The following NAALADL2 variants were observed in gnomAD, a reference collection of about 807,000 sequenced individuals.
NAALADL2 encodes the protein inactive N-acetylated-alpha-linked acidic dipeptidase-like protein 2.
NAALADL2 carries 76 observed loss-of-function variants against 87.2 expected under a neutral mutation model. That is an observed-to-expected ratio of 0.87 (90% CI 0.72 to 1.05). The LOEUF (loss-of-function observed/expected upper bound fraction) is 1.05. Among genes scored for constraint, NAALADL2 ranks in the 50% least tolerant of loss-of-function variants. NAALADL2 has a pLI of 0.00. For synonymous variants in NAALADL2, 354 were observed against 331.0 expected, an observed-to-expected ratio of 1.07 and a Z score of -0.75; for missense variants, 1,089 against 945.8, an observed-to-expected ratio of 1.15 and a Z score of -1.99.
chr3:174,878,365 G>A (rs1728774609), intron 1 of NAALADL2, among the ~76,000 whole-genome samples: 2 of 151,872 alleles, frequency 1.3e-5, no homozygotes, highest in African/African-American at 4.8e-5. Context: ...GTGGGATTTG[G>A]CCAACCTGTT....
chr3:174,829,079 G>T (rs1579100114), intron 3 of NAALADL2, among the ~76,000 whole-genome samples: 1 of 151,700 alleles, frequency 6.6e-6, no homozygotes, highest in East Asian at 2.0e-4. Context: ...AGAGGTTCAG[G>T]TATTACATCT....
At chr3:175,746,888 C>A (rs752731503) in intron 12 of NAALADL2, among the ~76,000 whole-genome samples, 2 of 152,124 alleles carry the variant, frequency 1.3e-5, no homozygotes, top group Non-Finnish European at 2.9e-5. Flanking sequence ...CTCTCAAATG[C>A]CAAAATCCAT....
At chr3:175,658,289 C>T (rs1297871610) in intron 11 of NAALADL2, among the ~76,000 whole-genome samples, 1 of 151,938 alleles carries the variant, frequency 6.6e-6, no homozygotes. Flanking sequence ...ATGACAGGGC[C>T]GACAATATAG....
intron 4 of NAALADL2, among the ~76,000 whole-genome samples, chr3:175,271,504 G>A (rs1752829722): frequency 6.6e-6 from 1 of 152,114 alleles, no homozygotes; most frequent in Admixed American, 6.5e-5. Context: ...TATAAAATAG[G>A]CACTTAGGCC....
At chr3:175,461,265 C>T (rs916191665) in intron 6 of NAALADL2, among the ~76,000 whole-genome samples, 1 of 151,436 alleles carries the variant, frequency 6.6e-6, no homozygotes, top group Non-Finnish European at 1.5e-5. Context: ...GGTGCATTTA[C>T]AATTCTTTAG....
At chr3:174,888,317 A>C (rs1730448399) in intron 1 of NAALADL2, among the ~76,000 whole-genome samples, 1 of 152,200 alleles carries the variant, frequency 6.6e-6, no homozygotes, top group Admixed American at 6.5e-5. Context: ...AAGAGAAGTA[A>C]TTAGGCCTAC....
At chr3:174,855,850 G>A (rs938635669), upstream of NAALADL2, among the ~76,000 whole-genome samples, 6 of 143,028 alleles carry the variant, frequency 4.2e-5, no homozygotes, top group African/African-American at 1.6e-4. Context: ...TGAAAGATAT[G>A]TATATATGTG....
intron 2 of NAALADL2, among the ~76,000 whole-genome samples, chr3:175,154,310 A>T (rs893160422): frequency 6.6e-6 from 1 of 152,176 alleles, no homozygotes; most frequent in Non-Finnish European, 1.5e-5. Context: ...AATTATAAGC[A>T]TAATAATATG....
At chr3:175,423,453 T>G (rs1053650186) in intron 5 of NAALADL2, among the ~76,000 whole-genome samples, 1 of 140,226 alleles carries the variant, frequency 7.1e-6, no homozygotes, top group Non-Finnish European at 1.5e-5. Context: ...TGTGTGATGT[T>G]CCCCTTCCTG....
chr3:175,356,610 A>AATAATAAT (rs1430053359), intron 5 of NAALADL2, among the ~76,000 whole-genome samples: 4 of 118,332 alleles, frequency 3.4e-5, no homozygotes, highest in Admixed American at 9.1e-5. Flanking sequence ...TAATAATAAT[A>AATAATAAT]AAGAAATAAA....
intron 5 of NAALADL2, among the ~76,000 whole-genome samples, chr3:175,361,488 G>A: frequency 6.7e-6 from 1 of 148,186 alleles, no homozygotes; most frequent in Non-Finnish European, 1.5e-5. Context: ...CACCAACAGT[G>A]TAAAAGTGTT....
intron 9 of NAALADL2, among the ~76,000 whole-genome samples, chr3:175,527,826 A>G (rs1733613575): frequency 6.6e-6 from 1 of 152,226 alleles, no homozygotes; most frequent in Non-Finnish European, 1.5e-5. Flanking sequence ...TATCACATAC[A>G]CATTGCCATA....
intron 4 of NAALADL2, among the ~76,000 whole-genome samples, chr3:175,318,727 C>A (rs1047684410): frequency 6.6e-6 from 1 of 152,148 alleles, no homozygotes; most frequent in African/African-American, 2.4e-5. Flanking sequence ...ACAACCACTA[C>A]AATCAAGATA....
intron 2 of NAALADL2, among the ~76,000 whole-genome samples, chr3:174,609,843 C>T (rs550589724): frequency 1.3e-5 from 2 of 152,206 alleles, no homozygotes; most frequent in East Asian, 3.9e-4. Context: ...CAAAAAAGAG[C>T]CCGCATCGCC....
At chr3:175,085,264 AACTT>A (rs1475038098) in intron 1 of NAALADL2, among the ~76,000 whole-genome samples, 1 of 152,144 alleles carries the variant, frequency 6.6e-6, no homozygotes, top group Non-Finnish European at 1.5e-5. Flanking sequence ...TTCTGATGTT[AACTT>A]ACTTAATATA....
intron 3 of NAALADL2, among the ~76,000 whole-genome samples, chr3:175,241,855 A>ATTTTTTTTTTTTATTTTTTTTTT (rs1746952287): frequency 1.2e-5 from 1 of 83,812 alleles, no homozygotes; most frequent in Non-Finnish European, 2.1e-5. Flanking sequence ...TGGATGCTGA[A>ATTTTTTTTTTTTATTTTTTTTTT]TTTTTTTTTT....
At chr3:174,810,601 A>C (rs1313302826) in intron 3 of NAALADL2, among the ~76,000 whole-genome samples, 1 of 151,848 alleles carries the variant, frequency 6.6e-6, no homozygotes, top group African/African-American at 2.4e-5. Context: ...TGTAAGCAAA[A>C]AAAAAAAAAA....
chr3:175,098,891 G>GT (rs1239933177), intron 2 of NAALADL2, among the ~76,000 whole-genome samples: 4 of 117,000 alleles, frequency 3.4e-5, no homozygotes, highest in African/African-American at 1.3e-4. Context: ...GGACAATTAT[G>GT]TGTTTTTTTT....
chr3:175,610,624 G>A (rs1724496789), intron 10 of NAALADL2, among the ~76,000 whole-genome samples: 1 of 152,062 alleles, frequency 6.6e-6, no homozygotes, highest in African/African-American at 2.4e-5. Context: ...ACATTTTTGA[G>A]CCATAAAGCC....
Sources: allele counts gnomAD v4.1 joint callset (sites outside exome capture counted in the v4.1 genomes callset), GRCh38; gene constraint gnomAD v4.1.1; transcripts MANE v1.5; gene names NCBI Gene and HGNC (gene_info 2026-07-23, HGNC 2026-07-21).